RNF130: variants seen among roughly 807,000 people sequenced by gnomAD.
RNF130 encodes the protein E3 ubiquitin-protein ligase RNF130.
In RNF130, 21 loss-of-function variants were observed where a neutral mutation model predicts 44.6. That is an observed-to-expected ratio of 0.47 (90% CI 0.33 to 0.68). RNF130 has a LOEUF of 0.68. Among genes scored for constraint, RNF130 ranks in the 30% least tolerant of loss-of-function variants. The pLI, the probability that RNF130 is intolerant of heterozygous loss-of-function variation, is 0.02. For missense variants in RNF130, 479 were observed against 560.6 expected (o/e 0.85, Z 1.47); for synonymous variants, 214 against 210.4 (o/e 1.02, Z -0.15).
chr5:180,003,395 C>T (rs1359555101), intron 3 of RNF130, among the ~76,000 whole-genome samples: 1 of 152,082 alleles, frequency 6.6e-6, no homozygotes, highest in East Asian at 1.9e-4. Context: ...TAATCAGAGA[C>T]CTACAAATAT....
chr5:180,027,699 C>T (rs915585108), intron 2 of RNF130, among the ~76,000 whole-genome samples: 3 of 152,194 alleles, frequency 2.0e-5, no homozygotes, highest in South Asian at 2.1e-4. Flanking sequence ...TCTTCCTCTC[C>T]ACACGTCACC....
chr5:179,983,002 T>C (rs1453643106), intron 3 of RNF130, among the ~76,000 whole-genome samples: 1 of 152,234 alleles, frequency 6.6e-6, no homozygotes, highest in East Asian at 1.9e-4. Context: ...TTTGCCTATA[T>C]GTGTACATTG....
intron 3 of RNF130, among the ~76,000 whole-genome samples, chr5:179,993,190 T>A (rs1763129345): frequency 6.6e-6 from 1 of 152,252 alleles, no homozygotes; most frequent in South Asian, 2.1e-4. Flanking sequence ...AACATACGTG[T>A]GCATGTGTCT....
intron 1 of RNF130, among the ~76,000 whole-genome samples, chr5:180,058,529 A>G (rs1428788835): frequency 6.6e-6 from 1 of 152,116 alleles, no homozygotes; most frequent in Non-Finnish European, 1.5e-5. Flanking sequence ...AGAGGGGGTA[A>G]TGGAGTCTTG....
chr5:180,059,926 G>A (rs192870538), intron 1 of RNF130, among the ~76,000 whole-genome samples: 1 of 152,138 alleles, frequency 6.6e-6, no homozygotes, highest in Non-Finnish European at 1.5e-5. Context: ...GGTTGCAGAT[G>A]AAACAAGGTT....
At chr5:179,942,741 T>C (rs532635138) in intron 7 of RNF130, among the ~76,000 whole-genome samples, 13 of 152,316 alleles carry the variant, frequency 8.5e-5, no homozygotes, top group African/African-American at 3.1e-4. Flanking sequence ...TTCTGAGACT[T>C]CTGGACTTCA....
chr5:180,059,637 G>A (rs1052581928), intron 1 of RNF130, among the ~76,000 whole-genome samples: 7 of 152,158 alleles, frequency 4.6e-5, no homozygotes, highest in African/African-American at 1.7e-4. Context: ...AAGAAATGTT[G>A]GAAAACCAAC....
chr5:180,058,841 C>T (rs564113479), intron 1 of RNF130, among the ~76,000 whole-genome samples: 3 of 152,232 alleles, frequency 2.0e-5, no homozygotes, highest in East Asian at 1.9e-4. Context: ...GGATTACAGG[C>T]TGAGCCACTG....
At chr5:180,027,793 G>A (rs1764024196) in intron 2 of RNF130, among the ~76,000 whole-genome samples, 1 of 152,144 alleles carries the variant, frequency 6.6e-6, no homozygotes, top group South Asian at 2.1e-4. Flanking sequence ...CAATCAGATG[G>A]CAGAGAAGAA....
At chr5:180,027,259 G>C (rs932753595) in intron 2 of RNF130, among the ~76,000 whole-genome samples, 5 of 152,114 alleles carry the variant, frequency 3.3e-5, no homozygotes, top group East Asian at 1.9e-4. Flanking sequence ...CTGACACCAG[G>C]GTTCTTGAAT....
intron 1 of RNF130, among the ~76,000 whole-genome samples, chr5:180,055,429 G>A (rs1195375295): frequency 3.8e-5 from 2 of 52,406 alleles, no homozygotes; most frequent in Admixed American, 3.9e-4. Flanking sequence ...CAACCTGAAT[G>A]TCAGATGACT....
Position 180,029,025 on chromosome 5 carries a change from G to A in RNF130, c.442+11428C>T, listed in dbSNP as rs1158142479. 7.2e-5 allele frequency among the ~76,000 whole-genome samples: 11 copies of A among 152,200 alleles called. 1 individual carries two copies. ...CACCCTCTTTTAGGTAGACGAGGAT[G>A]CCAGTTTAAGGACTCCGTTACCCGA... On this transcript the variant is annotated intron_variant, in intron 2 of 8. Coordinates refer to ENST00000521389, the MANE Select transcript of RNF130 (RefSeq NM_018434.6).
At chr5:180,016,619 C>T (rs1054695731) in intron 2 of RNF130, among the ~76,000 whole-genome samples, 12 of 152,202 alleles carry the variant, frequency 7.9e-5, no homozygotes, top group African/African-American at 2.9e-4. Context: ...CAACTATTTT[C>T]TTGAGAAACT....
chr5:179,969,553 G>C (rs931634417), intron 6 of RNF130, among the ~76,000 whole-genome samples: 1 of 151,932 alleles, frequency 6.6e-6, no homozygotes, highest in African/African-American at 2.4e-5. Flanking sequence ...CATACTCATC[G>C]ACCAACAGAA....
intron 5 of RNF130, among the ~76,000 whole-genome samples, chr5:179,976,131 G>A (rs1303654316): frequency 6.6e-6 from 1 of 152,080 alleles, no homozygotes; most frequent in Non-Finnish European, 1.5e-5. Flanking sequence ...AGCGGCCTGG[G>A]CAACATAGTG....
intron 5 of RNF130, among the ~76,000 whole-genome samples, chr5:179,972,391 C>T (rs1489171804): frequency 1.3e-5 from 2 of 152,044 alleles, no homozygotes; most frequent in African/African-American, 2.4e-5. Context: ...GTGGGGTGGC[C>T]GGGAAGGTGC....
chr5:180,051,517 G>A (rs184630335), intron 1 of RNF130, among the ~76,000 whole-genome samples: 92 of 152,234 alleles, frequency 6.0e-4, no homozygotes, highest in South Asian at 2.9e-3. Context: ...GATTACAGGC[G>A]TGAGCCACCG....
At chr5:180,048,681 T>C (rs1764624567) in intron 1 of RNF130, among the ~76,000 whole-genome samples, 1 of 152,154 alleles carries the variant, frequency 6.6e-6, no homozygotes, top group Admixed American at 6.5e-5. Context: ...AACAGGGCTG[T>C]ATTTTGCGGT....
chr5:180,037,926 C>G (rs1470465511), intron 2 of RNF130, among the ~76,000 whole-genome samples: 1 of 152,204 alleles, frequency 6.6e-6, no homozygotes, highest in African/African-American at 2.4e-5. Flanking sequence ...CTAAATATAT[C>G]CTCAAACTAT....
Sources: gnomAD v4.1 joint callset for allele counts (sites outside exome capture counted in the v4.1 genomes callset) on GRCh38, gnomAD v4.1.1 for gene constraint, MANE v1.5 for transcripts, NCBI Gene and HGNC (gene_info 2026-07-23, HGNC 2026-07-21) for gene names.